The following SLMAP variants were observed in gnomAD, a reference collection of about 807,000 sequenced individuals.
SLMAP encodes sarcolemma associated protein.
Under a neutral mutation model 128.8 loss-of-function variants are expected in SLMAP, and 44 were observed. That is an observed-to-expected ratio of 0.34 (90% CI 0.27 to 0.44). The LOEUF (loss-of-function observed/expected upper bound fraction) is 0.44. SLMAP is among the 20% of genes least tolerant of loss of function. The probability of loss-of-function intolerance (pLI) is 1.00; values close to 1 mark genes in which losing one functional copy is unlikely to be tolerated. For missense variants in SLMAP, 787 were observed against 985.3 expected, an observed-to-expected ratio of 0.80 and a Z score of 2.69; for synonymous variants, 327 against 348.8, an observed-to-expected ratio of 0.94 and a Z score of 0.70.
At chr3:57,870,017 A>G (rs1041217231) in intron 13 of SLMAP, among the ~76,000 whole-genome samples, 46 of 152,162 alleles carry the variant, frequency 3.0e-4, no homozygotes, top group African/African-American at 1.1e-3. Context: ...CCAGTTTAGT[A>G]AATATTTTAA....
At chr3:57,912,102 A>G (rs912833703) in intron 19 of SLMAP, among the ~76,000 whole-genome samples, 5 of 152,188 alleles carry the variant, frequency 3.3e-5, no homozygotes, top group Non-Finnish European at 7.3e-5. Context: ...ATCACTCCCT[A>G]TTTAATGTTT....
intron 2 of SLMAP, among the ~76,000 whole-genome samples, chr3:57,811,739 C>T (rs1196293041): frequency 2.6e-5 from 4 of 152,274 alleles, no homozygotes; most frequent in African/African-American, 9.6e-5. Flanking sequence ...CACATCTTTG[C>T]CAACACTTAT....
At chr3:57,762,053 CAAAAAAAAA>C (rs1312577556) in intron 2 of SLMAP, among the ~76,000 whole-genome samples, 2 of 45,544 alleles carry the variant, frequency 4.4e-5, no homozygotes, top group Admixed American at 5.0e-4. Flanking sequence ...GACTCCGTCT[CAAAAAAAAA>C]AAAAAAAAAA....
At chr3:57,891,014 G>A (rs111884968) in intron 15 of SLMAP, 4 of 152,068 alleles carry the variant, frequency 2.6e-5, no homozygotes, top group Non-Finnish European at 5.9e-5. Flanking sequence ...CATAGAATAT[G>A]CATCATTAAT....
intron 2 of SLMAP, among the ~76,000 whole-genome samples, chr3:57,760,402 C>A (rs952546794): frequency 6.6e-6 from 1 of 152,126 alleles, no homozygotes; most frequent in Admixed American, 6.5e-5. Context: ...ACCACTTAAT[C>A]TAGTTATAGC....
At chr3:57,771,585 G>A (rs1033680738) in intron 2 of SLMAP, among the ~76,000 whole-genome samples, 2 of 151,812 alleles carry the variant, frequency 1.3e-5, no homozygotes, top group African/African-American at 2.4e-5. Context: ...GCTGGAATAC[G>A]GTGCAGTCAC....
At chr3:57,821,175 C>T (rs767912590) in intron 2 of SLMAP, among the ~76,000 whole-genome samples, 19 of 152,192 alleles carry the variant, frequency 1.2e-4, no homozygotes, top group Non-Finnish European at 2.5e-4. Flanking sequence ...TTCTGTCTTT[C>T]ATAATCTTAT....
intron 2 of SLMAP, among the ~76,000 whole-genome samples, chr3:57,823,116 T>C (rs1560117696): frequency 6.6e-6 from 1 of 152,100 alleles, no homozygotes; most frequent in Non-Finnish European, 1.5e-5. Context: ...GGCCCATTGC[T>C]GGGGGGAAAA....
chr3:57,913,210 T>C lies in SLMAP; in HGVS notation c.2073T>C (p.His691=). Residue 691 remains histidine (H), a synonymous_variant, in exon 21 of 25, where the codon CAT becomes CAC. Transcript: ENST00000671191. The stretch of plus-strand genomic sequence containing the variant: ...GGAATGCATTGGAAACCGAATGCCA[T>C]TCTCTAAAAAGGGAAAATGTTTTGC... ...KEWNALETEC[H]SLKRENVLLS... 6.2e-7 allele frequency: 1 copy of C among 1,601,680 alleles called. No individual in the cohort carries two copies. Among genetic ancestry groups the C allele is most frequent in the Non-Finnish European group, 8.5e-7 (1 of 1,171,386 alleles).
At chr3:57,789,524 C>G (rs944290797) in intron 2 of SLMAP, among the ~76,000 whole-genome samples, 3 of 151,920 alleles carry the variant, frequency 2.0e-5, no homozygotes, top group African/African-American at 7.3e-5. Context: ...GATCAGATGT[C>G]GAGGTTGAGG....
chr3:57,783,779 A>G (rs1266897902), intron 2 of SLMAP, among the ~76,000 whole-genome samples: 1 of 152,200 alleles, frequency 6.6e-6, no homozygotes, highest in Admixed American at 6.5e-5. Flanking sequence ...CTTCAAGGCT[A>G]TCCCTGTCAT....
intron 14 of SLMAP, 32 bp from the exon 15 acceptor site, chr3:57,890,009 G>C: frequency 6.6e-7 from 1 of 1,510,706 alleles, no homozygotes; most frequent in Non-Finnish European, 9.2e-7. Context: ...CTCAGTTTGG[G>C]CTTGGATGGT....
At chr3:57,869,645 T>TATATATATA (rs1560337821) in intron 13 of SLMAP, among the ~76,000 whole-genome samples, 4 of 134,204 alleles carry the variant, frequency 3.0e-5, no homozygotes, top group African/African-American at 1.1e-4. Flanking sequence ...TATATATATA[T>TATATATATA]ATATATATAT....
rs2092426581 is a variant in SLMAP, at chr3:57,820,718, T to TA, written c.199-10664dup. 2.0e-5 allele frequency among the ~76,000 whole-genome samples: 3 copies of TA among 152,188 alleles called. No individual in the cohort carries two copies. The South Asian group carries it at 6.2e-4, about 32-fold the overall frequency. On this transcript the variant is annotated intron_variant, in intron 2 of 24. Coordinates refer to ENST00000671191, the MANE Select transcript of SLMAP (RefSeq NM_001377540.1). ...TCCAGGGAGATAGGTAAGCAAACCTTAGAGATACCTCCAGCGGGGGACTCA... is the reference window on the plus strand; with the variant it reads ...TCCAGGGAGATAGGTAAGCAAACCTTAAGAGATACCTCCAGCGGGGGACTCA...
At chr3:57,828,535 A>G (rs6764645) in intron 2 of SLMAP, among the ~76,000 whole-genome samples, 2,574 of 152,276 alleles carry the variant, frequency 0.017, 65 homozygotes, top group African/African-American at 0.059. Context: ...ATGCAGAAGG[A>G]AAAGAGTGGG....
At chr3:57,882,763 G>C (rs2095781491) in intron 14 of SLMAP, among the ~76,000 whole-genome samples, 1 of 152,154 alleles carries the variant, frequency 6.6e-6, no homozygotes, top group Non-Finnish European at 1.5e-5. Flanking sequence ...AGGAACTTCA[G>C]ATTTTTTTCT....
intron 17 of SLMAP, chr3:57,898,654 G>A (rs2096296234): frequency 6.6e-6 from 1 of 152,084 alleles, no homozygotes; most frequent in Non-Finnish European, 1.5e-5. Flanking sequence ...TTATCCCATT[G>A]CCTACCACAA....
In SLMAP at chr3:57,757,474, G is replaced by A. The variant is rs2077823598; in HGVS notation, c.-178G>A. 3 of 631,488 alleles carry A rather than the reference G, an allele frequency of 4.8e-6. No homozygotes were observed. The highest frequency in any genetic ancestry group is 1.8e-5 in the African/African-American group (1 of 54,870). The allele number at this position is 631,488 out of a possible 1,614,324, so 39.1% of individuals were successfully genotyped here. The stretch of plus-strand genomic sequence containing the variant: ...TAAAGGAGGTGATGGGGCTTGCGCT[G>A]GCTTGTCTTCCCACCCAAGTGAAGA... On this transcript the variant is annotated 5_prime_UTR_variant, in exon 2 of 25. Coordinates refer to ENST00000671191, the MANE Select transcript of SLMAP (RefSeq NM_001377540.1).
At chr3:57,801,002 CTT>C in intron 2 of SLMAP, 1 of 278,190 alleles carries the variant, frequency 3.6e-6, no homozygotes, top group African/African-American at 2.2e-5. Context: ...ACAACCTCCT[CTT>C]TGTCCTGTAA....
Sources: allele counts gnomAD v4.1 joint callset (sites outside exome capture counted in the v4.1 genomes callset), GRCh38; gene constraint gnomAD v4.1.1; transcripts MANE v1.5; gene names NCBI Gene and HGNC (gene_info 2026-07-23, HGNC 2026-07-21).